OSBPL6: variants seen among roughly 807,000 people sequenced by gnomAD.
OSBPL6 encodes oxysterol binding protein like 6, also known as oxysterol-binding protein-related protein 6.
OSBPL6 carries 49 observed loss-of-function variants against 125.8 expected under a neutral mutation model. The observed-to-expected ratio is 0.39, with a 90% CI of 0.31 to 0.49. The LOEUF is 0.49. OSBPL6 is among the 20% of genes least tolerant of loss of function. The probability of loss-of-function intolerance (pLI) is 0.88; values close to 1 mark genes in which losing one functional copy is unlikely to be tolerated. For missense variants in OSBPL6, 986 were observed against 1,135.4 expected, an observed-to-expected ratio of 0.87 and a Z score of 1.89; for synonymous variants, 394 against 391.8, an observed-to-expected ratio of 1.01 and a Z score of -0.07.
intron 1 of OSBPL6, among the ~76,000 whole-genome samples, chr2:178,257,657 A>G (rs549759907): frequency 3.7e-4 from 57 of 152,330 alleles, no homozygotes; most frequent in Non-Finnish European, 6.3e-4. Flanking sequence ...GTTATTTTGA[A>G]TAAGGTGTGC....
chr2:178,371,841 G>T (rs1228761771), intron 13 of OSBPL6, among the ~76,000 whole-genome samples: 1 of 152,070 alleles, frequency 6.6e-6, no homozygotes, highest in Non-Finnish European at 1.5e-5. Flanking sequence ...AGTATAATGG[G>T]ACTCACTCTA....
rs370662360 is a variant in OSBPL6, at chr2:178,397,842, C to T, written c.*2283C>T. On this transcript the variant is annotated 3_prime_UTR_variant, in exon 25 of 25. Transcript: ENST00000190611. ...CAGACAGTAAGGTCATGGTACAAAT[C>T]AGGTGAGTGAATGTTGGTCAGAGGT... is the stretch of plus-strand genomic sequence containing the variant. 1 of 152,166 alleles carries T rather than the reference C, an allele frequency of 6.6e-6. No individual in the cohort carries two copies. The highest frequency in any genetic ancestry group is 1.9e-4 in the East Asian group (1 of 5,192). The allele number at this position is 152,166 out of a possible 1,614,324, so 9.4% of individuals were successfully genotyped here.
At chr2:178,267,217 G>A (rs964152429) in intron 1 of OSBPL6, among the ~76,000 whole-genome samples, 28 of 151,990 alleles carry the variant, frequency 1.8e-4, no homozygotes, top group African/African-American at 6.8e-4. Context: ...AGCCGGGCAT[G>A]GTGGCTTGTG....
chr2:178,321,317 G>A (rs748984385), intron 3 of OSBPL6, among the ~76,000 whole-genome samples: 13 of 152,104 alleles, frequency 8.5e-5, no homozygotes, highest in Non-Finnish European at 1.8e-4. Flanking sequence ...TGGAATTCCA[G>A]GATGAAGATG....
At chr2:178,209,740 C>T (rs1022713248) in intron 1 of OSBPL6, among the ~76,000 whole-genome samples, 5 of 151,854 alleles carry the variant, frequency 3.3e-5, no homozygotes, top group African/African-American at 1.2e-4. Context: ...CAGAGCTGGT[C>T]CTGTAAGGAA....
intron 1 of OSBPL6, among the ~76,000 whole-genome samples, chr2:178,257,237 C>T (rs6746200): frequency 0.25 from 37,707 of 152,054 alleles, 5,235 homozygotes; most frequent in African/African-American, 0.38. Context: ...TTATCCAGAT[C>T]ATTTAAAATA....
Position 178,230,975 on chromosome 2 carries a change from G to A in OSBPL6, c.-351+36301G>A, listed in dbSNP as rs555210444. 2.0e-5 allele frequency among the ~76,000 whole-genome samples: 3 copies of A among 152,180 alleles called. No individual in the cohort carries two copies. The South Asian group carries it at 6.2e-4, about 32-fold the overall frequency. ...CATATTGAAGTAGCATTGTTGTTTG[G>A]GGTAGATACCTGGGGTTTGTCATCT... is the stretch of plus-strand genomic sequence containing the variant. On this transcript the variant is annotated intron_variant, in intron 1 of 24. Transcript: ENST00000190611.
intron 11 of OSBPL6, chr2:178,344,445 C>G: frequency 1.5e-6 from 2 of 1,335,012 alleles, no homozygotes; most frequent in South Asian, 2.4e-5. Context: ...GATGGTGCCA[C>G]TGGTGTGTGA....
At chr2:178,347,515 A>G (rs2154087794) in intron 11 of OSBPL6, among the ~76,000 whole-genome samples, 1 of 152,192 alleles carries the variant, frequency 6.6e-6, no homozygotes, top group Non-Finnish European at 1.5e-5. Flanking sequence ...CTCTTTCTAG[A>G]TTGAGCATCA....
At chr2:178,259,972 C>A (rs917082523) in intron 1 of OSBPL6, among the ~76,000 whole-genome samples, 1 of 152,154 alleles carries the variant, frequency 6.6e-6, no homozygotes, top group African/African-American at 2.4e-5. Flanking sequence ...ACCATAGCAG[C>A]GATGGATGAT....
At chr2:178,223,502 A>G (rs1188308773) in intron 1 of OSBPL6, among the ~76,000 whole-genome samples, 1 of 152,216 alleles carries the variant, frequency 6.6e-6, no homozygotes, top group Admixed American at 6.5e-5. Flanking sequence ...ATCTTTCGAT[A>G]TTGGCTCTTG....
chr2:178,348,798 A>G (rs1278408497), intron 11 of OSBPL6, among the ~76,000 whole-genome samples: 1 of 152,216 alleles, frequency 6.6e-6, no homozygotes, highest in African/African-American at 2.4e-5. Flanking sequence ...CAGTATATGC[A>G]TCTCTTGAAT....
chr2:178,385,521 G>T lies in OSBPL6; in HGVS notation c.2077G>T (p.Asp693Tyr). The T allele has an allele frequency of 6.3e-7, 1 of 1,594,802 alleles. No individual in the cohort carries two copies. Residue 693 changes from aspartate to tyrosine, a missense_variant and splice_region_variant, in exon 19 of 25, where the codon GAT (aspartate) becomes TAT (tyrosine). This residue lies in a region of OSBPL6 where 843 missense variants were observed against 997.3 expected (regional missense o/e 0.85). Coordinates refer to ENST00000190611, the MANE Select transcript of OSBPL6 (RefSeq NM_032523.4). ...ATCAAAGAATTTTGTGTTTTGGCAAGGTTTGTATTTCAATTATAATTTAAA... is the reference window on the plus strand; with the variant it reads ...ATCAAAGAATTTTGTGTTTTGGCAATGTTTGTATTTCAATTATAATTTAAA... ...CESKNFVFWQ[D>Y]IRWKNKFWGK...
intron 1 of OSBPL6, among the ~76,000 whole-genome samples, chr2:178,267,353 C>CAAAAA (rs57444695): frequency 6.0e-3 from 487 of 80,620 alleles, no homozygotes; most frequent in East Asian, 0.012. Flanking sequence ...AACTCCATCT[C>CAAAAA]AAAAAAAAAA....
In OSBPL6 at chr2:178,398,000, T is replaced by C. The variant is rs1236943711; in HGVS notation, c.*2441T>C. ...AGTCTGATTATTCCAATTCAAGTGT[T>C]CAGTTAAGTTTTAGTTACTATTCCT... On this transcript the variant is annotated 3_prime_UTR_variant, in exon 25 of 25. Transcript: ENST00000190611. The C allele has an allele frequency of 6.6e-6, 1 of 152,200 alleles. No individual in the cohort carries two copies. The highest frequency in any genetic ancestry group is 1.5e-5 in the Non-Finnish European group (1 of 68,028). 9.4% of individuals were successfully genotyped at this position (152,200 alleles called of 1,614,324 possible).
At chr2:178,304,853 A>G (rs1686620400) in intron 2 of OSBPL6, among the ~76,000 whole-genome samples, 1 of 152,176 alleles carries the variant, frequency 6.6e-6, no homozygotes, top group African/African-American at 2.4e-5. Flanking sequence ...ATGTCACGCC[A>G]GACACCCTGG....
chr2:178,335,796 T>G (rs910739258), intron 8 of OSBPL6, among the ~76,000 whole-genome samples: 1 of 152,222 alleles, frequency 6.6e-6, no homozygotes, highest in African/African-American at 2.4e-5. Flanking sequence ...CTATAGATAA[T>G]AACTTGCCAT....
At chr2:178,331,353 A>G (rs375773928) in intron 5 of OSBPL6, among the ~76,000 whole-genome samples, 199 bp from the exon 6 acceptor site, 107 of 152,346 alleles carry the variant, frequency 7.0e-4, no homozygotes, top group South Asian at 5.0e-3. Context: ...GAATCTTGGT[A>G]GGTTAACAGT....
chr2:178,294,070 GTATTT>G (rs1685518249), intron 2 of OSBPL6, among the ~76,000 whole-genome samples: 1 of 152,026 alleles, frequency 6.6e-6, no homozygotes, highest in African/African-American at 2.4e-5. Flanking sequence ...ATCCATTTGA[GTATTT>G]TATTCAAATA....
Sources: allele counts gnomAD v4.1 joint callset (sites outside exome capture counted in the v4.1 genomes callset), GRCh38; gene constraint gnomAD v4.1.1; regional missense constraint gnomAD v4.1.1; transcripts MANE v1.5; gene names NCBI Gene and HGNC (gene_info 2026-07-23, HGNC 2026-07-21).